The following UMAD1 variants were observed in gnomAD, a reference collection of about 807,000 sequenced individuals.
The protein encoded by UMAD1 is UBAP1-MVB12-associated (UMA)-domain containing protein 1.
A neutral mutation model predicts 6.1 loss-of-function variants in UMAD1; 8 were observed. That is an observed-to-expected ratio of 1.30 (90% CI 0.76 to 2.35). The LOEUF is 2.35. Ranked by LOEUF, UMAD1 falls within the 30% of genes most tolerant of loss-of-function variation. The pLI, the probability that UMAD1 is intolerant of heterozygous loss-of-function variation, is 0.00. For synonymous variants in UMAD1, 56 were observed against 31.4 expected (o/e 1.78, Z -2.61); for missense variants, 130 against 78.4 (o/e 1.66, Z -2.49).
intron 3 of UMAD1, among the ~76,000 whole-genome samples, chr7:7,853,021 A>G (rs1783947080): frequency 1.3e-5 from 2 of 152,206 alleles, no homozygotes; most frequent in South Asian, 4.1e-4. Context: ...CCATGAAAAG[A>G]GGGCAGGAGA....
At chr7:7,776,277 A>G (rs1258403719) in intron 2 of UMAD1, among the ~76,000 whole-genome samples, 2 of 152,234 alleles carry the variant, frequency 1.3e-5, no homozygotes, top group Non-Finnish European at 2.9e-5. Flanking sequence ...CTTGGGCAAC[A>G]TGGCAAGACC....
chr7:7,848,658 G>C (rs936440846), intron 3 of UMAD1, among the ~76,000 whole-genome samples: 1 of 152,022 alleles, frequency 6.6e-6, no homozygotes, highest in Non-Finnish European at 1.5e-5. Flanking sequence ...ATGAAATCTT[G>C]CCTGGAAGGT....
At chr7:7,657,926 G>C (rs1423987571) in intron 1 of UMAD1, among the ~76,000 whole-genome samples, 3 of 152,152 alleles carry the variant, frequency 2.0e-5, no homozygotes, top group Non-Finnish European at 4.4e-5. Flanking sequence ...TCATGATATT[G>C]ATTCTTCCTA....
At chr7:7,729,532 C>T (rs898998855) in intron 2 of UMAD1, among the ~76,000 whole-genome samples, 2 of 152,192 alleles carry the variant, frequency 1.3e-5, no homozygotes, top group Non-Finnish European at 2.9e-5. Flanking sequence ...TTCTTTGCTA[C>T]CTCATTGATA....
chr7:7,646,774 C>G (rs995276312), intron 1 of UMAD1, among the ~76,000 whole-genome samples: 1 of 152,022 alleles, frequency 6.6e-6, no homozygotes, highest in African/African-American at 2.4e-5. Context: ...AAACTCCCCT[C>G]GACACTCAGA....
chr7:7,751,339 T>C (rs571023465), intron 2 of UMAD1, among the ~76,000 whole-genome samples: 7 of 152,258 alleles, frequency 4.6e-5, no homozygotes, highest in Admixed American at 6.5e-5. Context: ...GTTTCAAGAA[T>C]TGTAGAGAGA....
At chr7:7,834,262 A>C (rs1783521344) in intron 3 of UMAD1, among the ~76,000 whole-genome samples, 1 of 151,678 alleles carries the variant, frequency 6.6e-6, no homozygotes, top group African/African-American at 2.4e-5. Flanking sequence ...ATCTCAGGTG[A>C]TCCACCCGCC....
intron 2 of UMAD1, among the ~76,000 whole-genome samples, chr7:7,689,814 ATGT>A (rs1416045703): frequency 1.3e-5 from 2 of 152,184 alleles, no homozygotes; most frequent in African/African-American, 2.4e-5. Context: ...GCCATCAGAA[ATGT>A]TGTGCATTTT....
chr7:7,743,445 T>C lies in UMAD1; in HGVS notation c.83-58225T>C, dbSNP rs140271087. ...GATACAAAATTTATAAATTATAACATTGAAAACAGAATGTTCAGTAGTGTT... is the reference window on the plus strand; with the variant it reads ...GATACAAAATTTATAAATTATAACACTGAAAACAGAATGTTCAGTAGTGTT... On this transcript the variant is annotated intron_variant, in intron 2 of 3. Coordinates refer to ENST00000682710, the MANE Select transcript of UMAD1 (RefSeq NM_001302348.2). Among the ~76,000 whole-genome samples the C allele has an allele frequency of 5.6e-3, 851 of 152,232 alleles. 13 individuals carry two copies. Among genetic ancestry groups the C allele is most frequent in the African/African-American group, 0.019 (809 of 41,558 alleles).
intron 3 of UMAD1, among the ~76,000 whole-genome samples, chr7:7,864,806 T>C (rs531033770): frequency 6.6e-6 from 1 of 152,064 alleles, no homozygotes. Context: ...GAACCAACCA[T>C]GTAATTAGAG....
At chr7:7,824,662 G>A (rs763871478) in intron 3 of UMAD1, among the ~76,000 whole-genome samples, 1 of 152,126 alleles carries the variant, frequency 6.6e-6, no homozygotes, top group Non-Finnish European at 1.5e-5. Context: ...AAGTTTGGAA[G>A]ATTTTTGAAG....
At chr7:7,841,050 G>C (rs891392437) in intron 3 of UMAD1, among the ~76,000 whole-genome samples, 3 of 152,194 alleles carry the variant, frequency 2.0e-5, no homozygotes, top group Admixed American at 6.5e-5. Context: ...GTGTTTCAGT[G>C]TACCTGTGCC....
intron 2 of UMAD1, among the ~76,000 whole-genome samples, chr7:7,682,444 T>G (rs1779935447): frequency 6.6e-6 from 1 of 152,178 alleles, no homozygotes; most frequent in South Asian, 2.1e-4. Flanking sequence ...TATTTTTATA[T>G]GGAACTTTTA....
At chr7:7,809,025 A>G (rs190636779) in intron 3 of UMAD1, among the ~76,000 whole-genome samples, 1 of 152,004 alleles carries the variant, frequency 6.6e-6, no homozygotes, top group Non-Finnish European at 1.5e-5. Context: ...AAAGTAACTT[A>G]TTGCATATTT....
intron 2 of UMAD1, among the ~76,000 whole-genome samples, chr7:7,706,207 A>C (rs1780594743): frequency 2.0e-5 from 3 of 152,264 alleles, no homozygotes; most frequent in Middle Eastern, 6.8e-3. Flanking sequence ...GTCCATGTTG[A>C]GTCAGAACAA....
chr7:7,662,671 T>A (rs1266196670), intron 1 of UMAD1, among the ~76,000 whole-genome samples: 1 of 152,164 alleles, frequency 6.6e-6, no homozygotes, highest in African/African-American at 2.4e-5. Context: ...CCCAATGAGA[T>A]GAGCCGGGTA....
At chr7:7,722,031 T>C (rs1315237835) in intron 2 of UMAD1, among the ~76,000 whole-genome samples, 1 of 152,064 alleles carries the variant, frequency 6.6e-6, no homozygotes, top group Admixed American at 6.5e-5. Context: ...TCCTTGAACA[T>C]TGGACTGTAA....
intron 2 of UMAD1, among the ~76,000 whole-genome samples, chr7:7,778,226 T>TTGTGTGTGTG (rs61647575): frequency 9.5e-5 from 12 of 126,398 alleles, no homozygotes; most frequent in East Asian, 2.3e-4. Context: ...AAAACTGGTT[T>TTGTGTGTGTG]TGTGTGTGTG....
intron 3 of UMAD1, among the ~76,000 whole-genome samples, chr7:7,803,669 G>GA (rs1782847927): frequency 6.6e-6 from 1 of 151,536 alleles, no homozygotes; most frequent in Non-Finnish European, 1.5e-5. Context: ...CCAAGGTCAA[G>GA]GTGCTGGCAG....
Sources: allele counts gnomAD v4.1 joint callset (sites outside exome capture counted in the v4.1 genomes callset), GRCh38; gene constraint gnomAD v4.1.1; transcripts MANE v1.5; gene names NCBI Gene and HGNC (gene_info 2026-07-23, HGNC 2026-07-21).